The following NLRP11 variants were observed in gnomAD, a reference collection of about 807,000 sequenced individuals.
The protein encoded by NLRP11 is NACHT, LRR and PYD domains-containing protein 11.
Under a neutral mutation model 79.3 loss-of-function variants are expected in NLRP11, and 53 were observed. The ratio of observed to expected loss-of-function variants is 0.67; its 90% CI spans 0.54 to 0.84. The LOEUF (loss-of-function observed/expected upper bound fraction) is 0.84. Ranked by LOEUF, NLRP11 falls within the 40% of genes least tolerant of loss-of-function variation. NLRP11 has a pLI of 0.00. For missense variants in NLRP11, 1,264 were observed against 1,255.0 expected (o/e 1.01, Z -0.11); for synonymous variants, 518 against 462.6 (o/e 1.12, Z -1.54).
chr19:55,795,624 G>A (rs1209540056), intron 6 of NLRP11, among the ~76,000 whole-genome samples: 1 of 152,058 alleles, frequency 6.6e-6, no homozygotes, highest in African/African-American at 2.4e-5. Context: ...CAAGCAGCTG[G>A]GACTACAGGT....
chr19:55,798,479 G>T, intron 5 of NLRP11: 1 of 240,326 alleles, frequency 4.2e-6, no homozygotes, highest in Non-Finnish European at 6.7e-6. Flanking sequence ...TGGACACATA[G>T]AGGGGAACAA....
upstream of NLRP11, chr19:55,832,917 TGAAA>T (rs1462236596): frequency 6.6e-6 from 1 of 152,190 alleles, no homozygotes. Context: ...AAAACGGATC[TGAAA>T]GAAAGAGGCG....
intron 5 of NLRP11, among the ~76,000 whole-genome samples, chr19:55,797,917 G>A (rs972828935): frequency 4.6e-5 from 7 of 152,116 alleles, no homozygotes; most frequent in Non-Finnish European, 7.3e-5. Context: ...CAGTGCAGCC[G>A]CAGCACGGTA....
intron 2 of NLRP11, among the ~76,000 whole-genome samples, chr19:55,817,534 T>A (rs544245438): frequency 6.6e-6 from 1 of 152,212 alleles, no homozygotes; most frequent in East Asian, 1.9e-4. Flanking sequence ...GCAAGCTGGA[T>A]GGGATTAGAG....
rs542852471 is a variant in NLRP11, at chr19:55,831,945, G to T, written c.-63+18C>A. On this transcript the variant is annotated intron_variant, in intron 1 of 9. Coordinates refer to ENST00000589093, the Ensembl canonical transcript of NLRP11. The stretch of plus-strand genomic sequence containing the variant: ...CCTTAAAATCCAAACAAACAAATCG[G>T]CCAGAAAGGTAACTCACCAACCCTG... The T allele has an allele frequency of 9.9e-5, 15 of 152,194 alleles. No individual in the cohort carries two copies. The highest frequency in any genetic ancestry group is 3.9e-4 in the East Asian group (2 of 5,190). The allele number at this position is 152,194 out of a possible 1,614,324, so 9.4% of individuals were successfully genotyped here. A position where few individuals can be genotyped will look rare whatever the true frequency, so the allele number is the denominator to read the frequency against.
chr19:55,787,146 G>A (rs1347826300), intron 9 of NLRP11, among the ~76,000 whole-genome samples: 1 of 152,192 alleles, frequency 6.6e-6, no homozygotes, highest in African/African-American at 2.4e-5. Flanking sequence ...CTAATTGAAT[G>A]CTCAGTAACC....
intron 2 of NLRP11, among the ~76,000 whole-genome samples, chr19:55,814,459 C>G (rs1310341435): frequency 6.6e-6 from 1 of 152,146 alleles, no homozygotes; most frequent in South Asian, 2.1e-4. Context: ...AAACTGGTGC[C>G]AAAAAGGTGC....
At chr19:55,828,589 G>C (rs895738328) in intron 1 of NLRP11, among the ~76,000 whole-genome samples, 3 of 152,044 alleles carry the variant, frequency 2.0e-5, no homozygotes, top group Admixed American at 2.0e-4. Context: ...CATAATTATG[G>C]TATCACAAAT....
upstream of NLRP11, among the ~76,000 whole-genome samples, chr19:55,833,359 G>A (rs547802187): frequency 6.7e-6 from 1 of 148,894 alleles, no homozygotes; most frequent in South Asian, 2.2e-4. Flanking sequence ...GAAAATAGAA[G>A]GGACTAGTAC....
At chr19:55,794,067 T>A (rs1978561346) in intron 6 of NLRP11, among the ~76,000 whole-genome samples, 1 of 152,196 alleles carries the variant, frequency 6.6e-6, no homozygotes, top group South Asian at 2.1e-4. Flanking sequence ...AAAACAAATA[T>A]TTTTTGCTTA....
At chr19:55,801,438 C>T in intron 5 of NLRP11, 134 bp downstream of exon 5, 1 of 655,196 alleles carries the variant, frequency 1.5e-6, no homozygotes, top group Non-Finnish European at 2.7e-6. Context: ...AAACAAACCA[C>T]GTGCTAAAAA....
rs1435166779 is a variant in NLRP11, at chr19:55,824,853, C to T, written c.-62-6617G>A. ...CCACTGTCAACATTAGACAGATCAA[C>T]GAGACAGAAAGTCAACAAGGATACC... On this transcript the variant is annotated intron_variant, in intron 1 of 9. Coordinates refer to ENST00000589093, the Ensembl canonical transcript of NLRP11. Among the ~76,000 whole-genome samples, 9 of 96,258 alleles carry T rather than the reference C, an allele frequency of 9.3e-5. 2 individuals carry two copies. In the South Asian group the frequency reaches 1.2e-3, roughly 13 times the overall value. 63.1% of individuals were successfully genotyped at this position (96,258 alleles called of 152,430 possible). A position where few individuals can be genotyped will look rare whatever the true frequency, so the allele number is the denominator to read the frequency against.
chr19:55,802,232 T>G (rs10401611), intron 4 of NLRP11, among the ~76,000 whole-genome samples: 4,190 of 152,304 alleles, frequency 0.028, 199 homozygotes, highest in African/African-American at 0.096. Flanking sequence ...AAACTATCAC[T>G]GTTTGCAGAT....
chr19:55,788,964 T>G lies in NLRP11; in HGVS notation c.2698A>C (p.Met900Leu), dbSNP rs746693809. 98 of 1,613,852 alleles carry G rather than the reference T, an allele frequency of 6.1e-5. No homozygotes were observed. Among genetic ancestry groups the G allele is most frequent in the Non-Finnish European group, 8.1e-5 (96 of 1,180,014 alleles). The change falls in exon 9 of 10, where the codon ATG (methionine) becomes CTG (leucine). Residue 900 changes from methionine to leucine, a missense_variant. By Grantham distance (15) the Met-to-Leu change is conservative. Transcript: ENST00000589093. ...GATCGACAGCAGGCACTGGTTAACA[T>G]GCACTCTTCTAGCCTGCAACGAAGA...
intron 9 of NLRP11, among the ~76,000 whole-genome samples, chr19:55,788,336 A>G (rs1466913304): frequency 1.3e-5 from 2 of 151,820 alleles, no homozygotes; most frequent in African/African-American, 4.8e-5. Flanking sequence ...AACGAGGCAT[A>G]CATTTTCAAT....
intron 4 of NLRP11, among the ~76,000 whole-genome samples, chr19:55,802,401 C>T (rs532793295): frequency 7.2e-4 from 110 of 152,240 alleles, no homozygotes; most frequent in Non-Finnish European, 1.3e-3. Context: ...AGAGCCAAAT[C>T]GGAAATGTAA....
intron 2 of NLRP11, among the ~76,000 whole-genome samples, chr19:55,813,986 G>A (rs890972074): frequency 2.0e-5 from 3 of 152,040 alleles, no homozygotes; most frequent in South Asian, 2.1e-4. Flanking sequence ...TAGACTTTAC[G>A]CCAGACTGAT....
chr19:55,792,262 T>C, intron 7 of NLRP11, 39 bp downstream of exon 7: 2 of 1,585,192 alleles, frequency 1.3e-6, no homozygotes, highest in African/African-American at 1.3e-5. Context: ...CCTCATGCAG[T>C]AGAAACACAG....
chr19:55,792,274 C>T (rs748873721), intron 7 of NLRP11, 27 bp downstream of exon 7: 1 of 1,598,528 alleles, frequency 6.3e-7, no homozygotes, highest in Non-Finnish European at 8.6e-7. Flanking sequence ...GAAACACAGT[C>T]ATCCAGGACA....
Sources: gnomAD v4.1 joint callset for allele counts (sites outside exome capture counted in the v4.1 genomes callset) on GRCh38, gnomAD v4.1.1 for gene constraint, MANE v1.5 for transcripts, NCBI Gene and HGNC (gene_info 2026-07-23, HGNC 2026-07-21) for gene names.